Variants in IL34 observed in about 807,000 individuals in gnomAD.
The protein encoded by IL34 is interleukin-34.
In IL34, 17 loss-of-function variants were observed where a neutral mutation model predicts 25.3. The observed-to-expected ratio is 0.67, with a 90% CI of 0.46 to 1.01. The LOEUF is 1.01. Among genes scored for constraint, IL34 ranks in the 50% least tolerant of loss-of-function variants. The probability of loss-of-function intolerance (pLI) is 0.00; values close to 1 mark genes in which losing one functional copy is unlikely to be tolerated. For missense variants in IL34, 368 were observed against 312.9 expected (o/e 1.18, Z -1.33); for synonymous variants, 174 against 140.9 (o/e 1.23, Z -1.66).
intron 2 of IL34, among the ~76,000 whole-genome samples, chr16:70,656,394 C>G (rs776568878): frequency 3.3e-5 from 5 of 152,214 alleles, no homozygotes; most frequent in Non-Finnish European, 5.9e-5. Context: ...TGGCACACAC[C>G]TGTAGTCCCA....
chr16:70,622,002 G>T (rs1382779850), intron 1 of IL34, among the ~76,000 whole-genome samples: 1 of 152,064 alleles, frequency 6.6e-6, no homozygotes, highest in Admixed American at 6.6e-5. Flanking sequence ...GGCCATCTGG[G>T]CGTATATACG....
At chr16:70,620,204 T>C (rs1187751140) in intron 1 of IL34, among the ~76,000 whole-genome samples, 1 of 152,144 alleles carries the variant, frequency 6.6e-6, no homozygotes, top group Non-Finnish European at 1.5e-5. Context: ...TTTGACCTTT[T>C]AGGGTCTAGG....
Position 70,610,499 on chromosome 16 carries a change from G to A in IL34, c.-401+30450G>A, listed in dbSNP as rs1183135202. On this transcript the variant is annotated intron_variant, in intron 1 of 6. Coordinates refer to the IL34 transcript ENST00000429149. Reference sequence around the variant, plus strand: ...GTGTCAAGCAGGTGCCAGGCCCTGAGGACACAATGATGACACCAGAACCAG... The same window carrying A: ...GTGTCAAGCAGGTGCCAGGCCCTGAAGACACAATGATGACACCAGAACCAG... 3.3e-5 allele frequency among the ~76,000 whole-genome samples: 5 copies of A among 152,342 alleles called. No homozygotes were observed. In the East Asian group the frequency reaches 9.6e-4, roughly 29 times the overall value.
At chr16:70,651,513 GCT>G (rs2052077762) in intron 1 of IL34, among the ~76,000 whole-genome samples, 2 of 152,190 alleles carry the variant, frequency 1.3e-5, no homozygotes, top group Non-Finnish European at 2.9e-5. Flanking sequence ...GAGACCTGAG[GCT>G]CTGAGCTGAG....
chr16:70,593,324 C>T (rs570531661), intron 1 of IL34, among the ~76,000 whole-genome samples: 128 of 152,118 alleles, frequency 8.4e-4, no homozygotes, highest in Admixed American at 1.3e-3. Context: ...TTTCAAGGAT[C>T]GTGCTTTTGA....
At chr16:70,652,209 A>G (rs1014415424) in intron 1 of IL34, among the ~76,000 whole-genome samples, 2 of 152,160 alleles carry the variant, frequency 1.3e-5, no homozygotes, top group Admixed American at 6.5e-5. Context: ...TAATCCCAGC[A>G]CTTTTGGAGG....
intron 1 of IL34, among the ~76,000 whole-genome samples, chr16:70,647,899 T>C (rs1004248250): frequency 1.3e-5 from 2 of 151,996 alleles, no homozygotes; most frequent in Non-Finnish European, 2.9e-5. Context: ...GGGTGCAGCA[T>C]GGGGGAGGGG....
At chr16:70,631,720 A>G (rs1467208281) in intron 1 of IL34, among the ~76,000 whole-genome samples, 1 of 152,142 alleles carries the variant, frequency 6.6e-6, no homozygotes, top group African/African-American at 2.4e-5. Flanking sequence ...AGAATATGGT[A>G]CTTAATCCCT....
chr16:70,642,825 G>A (rs937040940), upstream of IL34, among the ~76,000 whole-genome samples: 6 of 152,170 alleles, frequency 3.9e-5, no homozygotes, highest in East Asian at 3.8e-4. Flanking sequence ...GAAAGGTCCC[G>A]TATTGCATAA....
chr16:70,636,585 TCACACACACACACACACACACACACACA>T (rs34816911), intron 1 of IL34, among the ~76,000 whole-genome samples: 2 of 136,384 alleles, frequency 1.5e-5, no homozygotes, highest in Admixed American at 7.6e-5. Flanking sequence ...GCAAACCCTG[TCACACACACACACACACACACACACACA>T]CACACACACA....
intron 1 of IL34, among the ~76,000 whole-genome samples, chr16:70,611,754 G>C (rs1461631640): frequency 6.6e-6 from 1 of 152,180 alleles, no homozygotes; most frequent in African/African-American, 2.4e-5. Flanking sequence ...TGAGACAGGA[G>C]AATCGCTGGA....
Position 70,659,984 on chromosome 16 carries a change from C to G in IL34, c.539-13C>G. ...CTGCTGCAGTCTTTTTTTTTTTCCC[C>G]TATCTCTTGCAGGTAAACAAAGCTC... On this transcript the variant is annotated splice_polypyrimidine_tract_variant and intron_variant, in intron 5 of 5. Coordinates refer to ENST00000288098, the MANE Select transcript of IL34 (RefSeq NM_001393494.1). The G allele has an allele frequency of 6.4e-7, 1 of 1,558,762 alleles. No homozygotes were observed. The highest frequency in any genetic ancestry group is 8.6e-7 in the Non-Finnish European group (1 of 1,157,110).
intron 1 of IL34, among the ~76,000 whole-genome samples, chr16:70,639,112 A>G (rs1458402362): frequency 2.0e-5 from 3 of 152,128 alleles, no homozygotes; most frequent in African/African-American, 7.2e-5. Context: ...AGCTTGGGAG[A>G]TGCCCTTGGG....
At chr16:70,582,972 T>C (rs2050651213) in intron 1 of IL34, among the ~76,000 whole-genome samples, 1 of 152,074 alleles carries the variant, frequency 6.6e-6, no homozygotes, top group Admixed American at 6.6e-5. Context: ...GAGAGATGTT[T>C]GGGAGACCTG....
At chr16:70,583,013 G>A (rs1361888404) in intron 1 of IL34, among the ~76,000 whole-genome samples, 1 of 152,228 alleles carries the variant, frequency 6.6e-6, no homozygotes, top group African/African-American at 2.4e-5. Context: ...GGCGGAGTGG[G>A]AGATGAGATG....
At chr16:70,626,484 C>T (rs1239982836) in intron 1 of IL34, among the ~76,000 whole-genome samples, 1 of 152,154 alleles carries the variant, frequency 6.6e-6, no homozygotes, top group East Asian at 1.9e-4. Flanking sequence ...GCAACCTCTG[C>T]CTCCCAGGTT....
chr16:70,654,350 C>A (rs1186933471), intron 1 of IL34, 188 bp from the exon 2 acceptor site: 2 of 672,200 alleles, frequency 3.0e-6, no homozygotes, highest in African/African-American at 1.8e-5. Flanking sequence ...CTAGTGCCTG[C>A]CTGACCTTGC....
chr16:70,626,739 C>T (rs1172326765), intron 1 of IL34, among the ~76,000 whole-genome samples: 1 of 152,054 alleles, frequency 6.6e-6, no homozygotes, highest in Non-Finnish European at 1.5e-5. Context: ...ATTTTATATT[C>T]AAATTTTGAT....
At chr16:70,583,259 C>T (rs1234329252) in intron 1 of IL34, among the ~76,000 whole-genome samples, 3 of 151,780 alleles carry the variant, frequency 2.0e-5, no homozygotes, top group East Asian at 2.0e-4. Flanking sequence ...ATTACAGGCA[C>T]GCGCCACCAT....
Sources: allele counts gnomAD v4.1 joint callset (sites outside exome capture counted in the v4.1 genomes callset), GRCh38; gene constraint gnomAD v4.1.1; transcripts MANE v1.5; gene names NCBI Gene and HGNC (gene_info 2026-07-23, HGNC 2026-07-21).